SAMSN1: variants seen among roughly 807,000 people sequenced by gnomAD.
SAMSN1 encodes SAM domain, SH3 domain and nuclear localization signals 1.
Under a neutral mutation model 42.0 loss-of-function variants are expected in SAMSN1, and 31 were observed. The observed-to-expected ratio is 0.74, with a 90% CI of 0.55 to 1.00. The LOEUF (loss-of-function observed/expected upper bound fraction) is 1.00. Among genes scored for constraint, SAMSN1 ranks in the 50% least tolerant of loss-of-function variants. The pLI is 0.00. For missense variants in SAMSN1, 464 were observed against 439.4 expected (o/e 1.06, Z -0.50); for synonymous variants, 178 against 151.9 (o/e 1.17, Z -1.26).
chr21:14,579,968 T>C (rs891930386), intron 2 of SAMSN1, among the ~76,000 whole-genome samples: 1 of 152,150 alleles, frequency 6.6e-6, no homozygotes, highest in Non-Finnish European at 1.5e-5. Flanking sequence ...CCTGATATTG[T>C]GAATAGCAAA....
intron 2 of SAMSN1, among the ~76,000 whole-genome samples, chr21:14,567,697 G>A (rs1269222555): frequency 6.6e-6 from 1 of 151,948 alleles, no homozygotes; most frequent in Non-Finnish European, 1.5e-5. Context: ...TCTTTTCTGT[G>A]TTCTTAGTGT....
In SAMSN1 at chr21:14,592,819, G is replaced by A. The variant is rs189803896; in HGVS notation, c.465+1194C>T. On this transcript the variant is annotated intron_variant, in intron 7 of 15. Transcript: ENST00000647101. ...TGGTAGAGCCAAGTCCTGCAATCTA[G>A]TTCTCTTGCTTCTGTTTCTAATTAA... Among the ~76,000 whole-genome samples the A allele has an allele frequency of 5.9e-5, 9 of 152,238 alleles. No homozygotes were observed. The East Asian group carries it at 1.5e-3, about 26-fold the overall frequency.
At chr21:14,566,189 G>A (rs1020120493) in intron 2 of SAMSN1, among the ~76,000 whole-genome samples, 1 of 152,130 alleles carries the variant, frequency 6.6e-6, no homozygotes, top group African/African-American at 2.4e-5. Context: ...CATCTGAATT[G>A]AAGTAATGCA....
At chr21:14,632,811 T>C (rs1983365813) in intron 2 of SAMSN1, among the ~76,000 whole-genome samples, 1 of 152,176 alleles carries the variant, frequency 6.6e-6, no homozygotes. Flanking sequence ...TCAGTGATTG[T>C]TGGCAGCATT....
At chr21:14,658,713 A>T (rs1026121795) in intron 1 of SAMSN1, 2 of 714,616 alleles carry the variant, frequency 2.8e-6, no homozygotes, top group East Asian at 2.7e-5. Context: ...TAAAATTAAA[A>T]TGAGAACATA....
At chr21:14,555,404 T>A (rs759748500) in intron 2 of SAMSN1, among the ~76,000 whole-genome samples, 2 of 152,222 alleles carry the variant, frequency 1.3e-5, no homozygotes, top group Non-Finnish European at 2.9e-5. Flanking sequence ...CCAAGTCTCT[T>A]CCTTCACCCT....
chr21:14,634,675 C>A (rs972364886), intron 2 of SAMSN1, among the ~76,000 whole-genome samples: 20 of 152,040 alleles, frequency 1.3e-4, no homozygotes, highest in African/African-American at 4.8e-4. Context: ...CAGATGCTGG[C>A]GAGGATGTGG....
chr21:14,586,082 G>A (rs186372098), upstream of SAMSN1, among the ~76,000 whole-genome samples: 1 of 151,806 alleles, frequency 6.6e-6, no homozygotes, highest in East Asian at 1.9e-4. Flanking sequence ...GGCCAACATG[G>A]TGAAACCCTG....
At chr21:14,487,891 T>A (rs1568759532) in intron 7 of SAMSN1, among the ~76,000 whole-genome samples, 1 of 152,180 alleles carries the variant, frequency 6.6e-6, no homozygotes, top group East Asian at 1.9e-4. Context: ...TTAGCTACCA[T>A]GGAAGCATTT....
In SAMSN1 at chr21:14,516,962, A is replaced by C; in HGVS notation, c.209T>G (p.Met70Arg). The change falls in exon 3 of 8, where the codon ATG (methionine) becomes AGG (arginine). Residue 70 changes from methionine to arginine, a missense_variant. Coordinates refer to ENST00000400566, the MANE Select transcript of SAMSN1 (RefSeq NM_022136.5). Reference protein sequence around the residue: ...SNNGGGLGKKMRAISWTMKKK... With the variant: ...SNNGGGLGKKRRAISWTMKKK... ...CTTCATTGTCCATGAAATAGCTCTC[A>C]TTTTTTTACCCAAACCGCCTCCATT... The C allele has an allele frequency of 6.2e-7, 1 of 1,613,210 alleles. No individual in the cohort carries two copies. The highest frequency in any genetic ancestry group is 8.5e-7 in the Non-Finnish European group (1 of 1,179,494).
In SAMSN1 at chr21:14,516,983, C is replaced by G. The variant is rs34607574; in HGVS notation, c.188G>C (p.Gly63Ala). 13,138 of 1,613,158 alleles carry G rather than the reference C, an allele frequency of 8.1e-3. 543 individuals carry two copies. The African/African-American group carries it at 0.11, about 14-fold the overall frequency. Residue 63 changes from glycine to alanine, a missense_variant, in exon 3 of 8, where the codon GGA (glycine) becomes GCA (alanine). Transcript: ENST00000400566. ...SGEQSKTSNN[G>A]GGLGKKMRAI... ...TCTCATTTTTTTACCCAAACCGCCT[C>G]CATTATTTGAAGTTTTACTTTGTTC...
intron 2 of SAMSN1, among the ~76,000 whole-genome samples, chr21:14,560,503 A>T (rs927139826): frequency 1.3e-5 from 2 of 152,218 alleles, no homozygotes; most frequent in Admixed American, 1.3e-4. Context: ...AGGTAACATT[A>T]TGCAGACAGG....
chr21:14,488,363 T>C (rs961800658), intron 7 of SAMSN1, among the ~76,000 whole-genome samples: 1 of 152,164 alleles, frequency 6.6e-6, no homozygotes, highest in Non-Finnish European at 1.5e-5. Context: ...AAACTGTTTG[T>C]TCCCAACACT....
rs530261997 is a variant in SAMSN1, at chr21:14,497,975, G to C, written c.919+467C>G. Among the ~76,000 whole-genome samples, 3 of 152,290 alleles carry C rather than the reference G, an allele frequency of 2.0e-5. No homozygotes were observed. The East Asian group carries it at 5.8e-4, about 29-fold the overall frequency. ...TTTTTGCAAGCTATTATAACATTTT[G>C]AAAGAGTACTATAAACATGTACAAG... is the stretch of plus-strand genomic sequence containing the variant. On this transcript the variant is annotated intron_variant, in intron 7 of 7. Coordinates refer to ENST00000400566, the MANE Select transcript of SAMSN1 (RefSeq NM_022136.5).
Position 14,651,996 on chromosome 21 carries a change from TG to T in SAMSN1, c.24+6751del, listed in dbSNP as rs1983844854. 3.3e-5 allele frequency among the ~76,000 whole-genome samples: 5 copies of T among 152,136 alleles called. No individual in the cohort carries two copies. In the South Asian group the frequency reaches 1.0e-3, roughly 32 times the overall value. ...GCTATAAGATATTGCTGAAATCAAT[TG>T]AGGAGGACATAAAAAATTTGAAAAT... On this transcript the variant is annotated intron_variant, in intron 1 of 15. Transcript: ENST00000647101.
intron 2 of SAMSN1, among the ~76,000 whole-genome samples, chr21:14,627,295 A>C (rs923470803): frequency 2.0e-5 from 3 of 152,068 alleles, no homozygotes; most frequent in African/African-American, 7.2e-5. Flanking sequence ...AAGCAATATA[A>C]ACACCAGGAG....
At chr21:14,546,919 C>T (rs924096840), upstream of SAMSN1, among the ~76,000 whole-genome samples, 2 of 152,006 alleles carry the variant, frequency 1.3e-5, no homozygotes, top group African/African-American at 4.8e-5. Context: ...CCATGTTAGC[C>T]AAGATGGTCT....
chr21:14,522,983 G>T lies in SAMSN1; in HGVS notation c.58-1762C>A, dbSNP rs190317457. On this transcript the variant is annotated intron_variant, in intron 1 of 7. Transcript: ENST00000400566. The stretch of plus-strand genomic sequence containing the variant: ...CCTGGAATGCACTTCTTTGGGATGT[G>T]GGGGGAAACCCACACATAAATGAGA... Among the ~76,000 whole-genome samples, 11 of 152,218 alleles carry T rather than the reference G, an allele frequency of 7.2e-5. No individual in the cohort carries two copies. The East Asian group carries it at 1.5e-3, about 21-fold the overall frequency.
At position 14,500,714 on chromosome 21, in the gene SAMSN1, T is replaced by A. The variant is rs758488552; in HGVS notation, c.583A>T (p.Ile195Phe). ...KIKKGDIIDI[I>F]CKTPMGMWTG... ...CACATCCCCATTGGTGTTTTGCAAA[T>A]AATGTCTATGATGTCTCCTTTCTAA... The change falls in exon 6 of 8, where the codon ATT (isoleucine) becomes TTT (phenylalanine). Residue 195 changes from isoleucine (I) to phenylalanine (F), a missense_variant. Ile to Phe is a conservative substitution (Grantham distance 21, BLOSUM62 0). Transcript: ENST00000400566. 6.2e-7 allele frequency: 1 copy of A among 1,613,416 alleles called. No individual in the cohort carries two copies. Among genetic ancestry groups the A allele is most frequent in the Admixed American group, 1.7e-5 (1 of 60,030 alleles).
Sources: gnomAD v4.1 joint callset for allele counts (sites outside exome capture counted in the v4.1 genomes callset) on GRCh38, gnomAD v4.1.1 for gene constraint, MANE v1.5 for transcripts, NCBI Gene and HGNC (gene_info 2026-07-23, HGNC 2026-07-21) for gene names.